The following MBD5 variants were observed in gnomAD, a reference collection of about 807,000 sequenced individuals.
MBD5 encodes methyl-CpG-binding domain protein 5.
Under a neutral mutation model 117.3 loss-of-function variants are expected in MBD5, and 13 were observed. The ratio of observed to expected loss-of-function variants is 0.11; its 90% CI spans 0.07 to 0.18. The LOEUF is 0.18. Ranked by LOEUF, MBD5 falls within the 10% of genes least tolerant of loss-of-function variation. MBD5 has a pLI of 1.00. For missense variants in MBD5, 1,879 were observed against 2,093.8 expected (o/e 0.90, Z 2.00); for synonymous variants, 727 against 766.4 (o/e 0.95, Z 0.85).
chr2:148,276,342 C>T (rs1174442127), intron 3 of MBD5, among the ~76,000 whole-genome samples: 2 of 151,948 alleles, frequency 1.3e-5, no homozygotes, highest in Admixed American at 1.3e-4. Flanking sequence ...AAAAATAGAA[C>T]TTTATTTAGA....
At chr2:148,509,866 A>G (rs1212749618) in intron 12 of MBD5, among the ~76,000 whole-genome samples, 194 bp from the exon 13 acceptor site, 3 of 152,202 alleles carry the variant, frequency 2.0e-5, no homozygotes, top group Admixed American at 2.0e-4. Context: ...TTTTTTTAGT[A>G]GTTCTGTGAC....
intron 1 of MBD5, among the ~76,000 whole-genome samples, chr2:148,127,550 G>A (rs1343124790): frequency 2.0e-5 from 3 of 152,110 alleles, no homozygotes; most frequent in East Asian, 1.9e-4. Context: ...GCATGTCCCT[G>A]CAAAGGACAT....
chr2:148,345,627 ATACATATGTATATACACG>A (rs1703104155), intron 4 of MBD5, among the ~76,000 whole-genome samples: 1 of 101,518 alleles, frequency 9.9e-6, no homozygotes, highest in Non-Finnish European at 2.3e-5. Flanking sequence ...ACGTATACAC[ATACATATGTATATACACG>A]TATACATATA....
intron 4 of MBD5, among the ~76,000 whole-genome samples, chr2:148,419,733 C>G (rs1459135747): frequency 6.6e-6 from 1 of 152,060 alleles, no homozygotes; most frequent in African/African-American, 2.4e-5. Context: ...CACCCTCTAC[C>G]TACCTTTCTC....
rs188521717 is a variant in MBD5 at position 148,236,303 on chromosome 2, T to G, written c.-680+2908T>G. Among the ~76,000 whole-genome samples the G allele has an allele frequency of 5.0e-4, 76 of 152,310 alleles. 1 individual carries two copies. The East Asian group carries it at 0.013, about 26-fold the overall frequency. ...CCAGATTGGTCAGAGGATTCACTAT[T>G]TGTATTTGTAAGGCAGATACTATTT... On this transcript the variant is annotated intron_variant, in intron 3 of 13. Coordinates refer to ENST00000642680, the MANE Select transcript of MBD5 (RefSeq NM_001378120.1).
chr2:148,469,200 T>C lies in MBD5; in HGVS notation c.1257T>C (p.His419=), dbSNP rs1680702824. ...LPTVKPGHMN[H]GSHVQRVQHS... ...CTGTAAAACCTGGTCACATGAATCA[T>C]GGGAGTCATGTACAAAGAGTTCAGC... is the stretch of plus-strand genomic sequence containing the variant. Residue 419 remains histidine, a synonymous_variant, in exon 8 of 14, where the codon CAT becomes CAC. Transcript: ENST00000642680. 6.2e-7 allele frequency: 1 copy of C among 1,614,062 alleles called. No individual in the cohort carries two copies. The highest frequency in any genetic ancestry group is 8.5e-7 in the Non-Finnish European group (1 of 1,179,974).
intron 3 of MBD5, among the ~76,000 whole-genome samples, chr2:148,287,872 G>T (rs1037240158): frequency 6.6e-6 from 1 of 152,098 alleles, no homozygotes; most frequent in Non-Finnish European, 1.5e-5. Flanking sequence ...TTGAAACTCC[G>T]AGTTCTCAAC....
chr2:148,066,392 G>A (rs1695193941), intron 1 of MBD5, among the ~76,000 whole-genome samples: 1 of 151,766 alleles, frequency 6.6e-6, no homozygotes, highest in Non-Finnish European at 1.5e-5. Context: ...TCCTGATGAA[G>A]CCTCATTTTT....
rs760594867 is a variant in MBD5 at position 148,512,862 on chromosome 2, A to G, written c.5113-8A>G. ...GTTGTTGTTTTTTTTCTACCTTTTT[A>G]TTTCCAGGTACACCAAATCCCACAG... On this transcript the variant is annotated splice_polypyrimidine_tract_variant and splice_region_variant and intron_variant, in intron 13 of 13. Coordinates refer to ENST00000642680, the MANE Select transcript of MBD5 (RefSeq NM_001378120.1). 6.2e-7 allele frequency: 1 copy of G among 1,612,526 alleles called. No individual in the cohort carries two copies. Among genetic ancestry groups the G allele is most frequent in the Non-Finnish European group, 8.5e-7 (1 of 1,179,016 alleles).
intron 7 of MBD5, among the ~76,000 whole-genome samples, chr2:148,467,566 T>C (rs544815067): frequency 1.3e-5 from 2 of 152,310 alleles, no homozygotes; most frequent in South Asian, 2.1e-4. Context: ...TGCAGTCTTT[T>C]ACCTAAGTTG....
At chr2:148,168,938 C>CATATATATACACGTGTATATATAGG (rs1698193249) in intron 1 of MBD5, among the ~76,000 whole-genome samples, 1 of 148,370 alleles carries the variant, frequency 6.7e-6, no homozygotes, top group Non-Finnish European at 1.5e-5. Context: ...GATATATATA[C>CATATATATACACGTGTATATATAGG]ATATATATAC....
At chr2:148,125,051 A>T (rs1254116433) in intron 1 of MBD5, among the ~76,000 whole-genome samples, 1 of 151,812 alleles carries the variant, frequency 6.6e-6, no homozygotes, top group African/African-American at 2.4e-5. Context: ...TAAACGTAAG[A>T]TTTAATTATA....
At chr2:148,089,049 A>G (rs541168413) in intron 1 of MBD5, among the ~76,000 whole-genome samples, 201 of 152,306 alleles carry the variant, frequency 1.3e-3, no homozygotes, top group Admixed American at 1.8e-3. Flanking sequence ...AAGCAGGAAT[A>G]GCTGTCCTTA....
intron 1 of MBD5, among the ~76,000 whole-genome samples, chr2:148,142,475 T>C (rs1238021983): frequency 2.0e-5 from 3 of 152,194 alleles, no homozygotes; most frequent in Non-Finnish European, 2.9e-5. Context: ...TTACATAGAA[T>C]TCTATATCCA....
At chr2:148,347,354 A>G (rs1347707005) in intron 4 of MBD5, 1 of 152,054 alleles carries the variant, frequency 6.6e-6, no homozygotes, top group African/African-American at 2.4e-5. Flanking sequence ...CAGTCTGGGC[A>G]ACAGAGTGAG....
intron 4 of MBD5, among the ~76,000 whole-genome samples, chr2:148,344,167 A>T (rs757442996): frequency 4.6e-5 from 7 of 151,898 alleles, no homozygotes; most frequent in Non-Finnish European, 7.4e-5. Flanking sequence ...TGTTCCATTG[A>T]TCTATGCATC....
intron 1 of MBD5, among the ~76,000 whole-genome samples, chr2:148,151,903 C>A (rs1417773672): frequency 6.6e-6 from 1 of 152,058 alleles, no homozygotes; most frequent in Non-Finnish European, 1.5e-5. Context: ...CTCCTGGATT[C>A]ATTAATTTTT....
intron 4 of MBD5, among the ~76,000 whole-genome samples, chr2:148,370,870 C>T (rs1020839523): frequency 6.6e-6 from 1 of 152,128 alleles, no homozygotes; most frequent in East Asian, 1.9e-4. Context: ...ATAGTACCTG[C>T]TTTAATTTTT....
At chr2:148,395,815 A>C (rs1447339191) in intron 4 of MBD5, among the ~76,000 whole-genome samples, 1 of 152,134 alleles carries the variant, frequency 6.6e-6, no homozygotes, top group Non-Finnish European at 1.5e-5. Context: ...GTGAGGAATC[A>C]CACCATATAA....
Sources: gnomAD v4.1 joint callset for allele counts (sites outside exome capture counted in the v4.1 genomes callset) on GRCh38, gnomAD v4.1.1 for gene constraint, MANE v1.5 for transcripts, NCBI Gene and HGNC (gene_info 2026-07-23, HGNC 2026-07-21) for gene names.